Variants in ALDH7A1 observed in about 807,000 individuals in gnomAD.
The protein encoded by ALDH7A1 is aldehyde dehydrogenase 7 family member A1, also known as alpha-aminoadipic semialdehyde dehydrogenase.
Under a neutral mutation model 79.9 loss-of-function variants are expected in ALDH7A1, and 63 were observed. The observed-to-expected ratio is 0.79, with a 90% CI of 0.64 to 0.97. The LOEUF is 0.97. Ranked by LOEUF, ALDH7A1 falls within the 50% of genes least tolerant of loss-of-function variation. The pLI is 0.00. For synonymous variants in ALDH7A1, 240 were observed against 231.2 expected, an observed-to-expected ratio of 1.04 and a Z score of -0.34; for missense variants, 627 against 665.2, an observed-to-expected ratio of 0.94 and a Z score of 0.63.
intron 3 of ALDH7A1, chr5:126,592,273 T>C (rs1751578644): frequency 8.8e-6 from 2 of 227,586 alleles, no homozygotes; most frequent in African/African-American, 4.7e-5. Context: ...ATTGCTGAGA[T>C]ACTCCCAGAC....
In ALDH7A1 at chr5:126,568,304, T is replaced by G. The variant is rs796052260; in HGVS notation, c.826A>C (p.Thr276Pro). 4 of 1,614,112 alleles carry G rather than the reference T, an allele frequency of 2.5e-6. No homozygotes were observed. The highest frequency in any genetic ancestry group is 3.4e-6 in the Non-Finnish European group (4 of 1,179,996). The change falls in exon 9 of 18, where the codon ACT becomes CCT. Residue 276 changes from threonine (T) to proline (P), a missense_variant. Coordinates refer to ENST00000409134, the MANE Select transcript of ALDH7A1 (RefSeq NM_001182.5). ...RVNLLSFTGS[T>P]QVGKQVGLMV... ...AGGCCCACCTGTTTTCCCACCTGAG[T>G]GCTCCCAGTGAAGGACAGCAGGTTC...
At position 126,550,255 on chromosome 5, in the gene ALDH7A1, T is replaced by G. The variant is rs756859037; in HGVS notation, c.1356A>C (p.Lys452Asn). ...EEVFAWNNEV[K>N]QGLSSSIFTK... ...TAAAGATGCTACTTGAAAGTCCCTG[T>G]TTTACTTCATTATTCCATGCAAAGA... is the stretch of plus-strand genomic sequence containing the variant. Residue 452 changes from lysine to asparagine, a missense_variant, in exon 15 of 18, where the codon AAA becomes AAC. By Grantham distance (94) the Lys-to-Asn change is moderately conservative. Transcript: ENST00000409134. The G allele has an allele frequency of 2.0e-5, 33 of 1,613,564 alleles. No individual in the cohort carries two copies. Among genetic ancestry groups the G allele is most frequent in the Middle Eastern group, 1.7e-4 (1 of 5,952 alleles).
intron 5 of ALDH7A1, chr5:126,582,282 A>G (rs1751204113): frequency 5.1e-6 from 2 of 394,470 alleles, no homozygotes; most frequent in Admixed American, 4.4e-5. Context: ...ATTTTCTGAT[A>G]TGAATCTATC....
intron 3 of ALDH7A1, chr5:126,592,443 T>G (rs535038278): frequency 1.5e-5 from 9 of 582,960 alleles, no homozygotes; most frequent in East Asian, 8.5e-5. Flanking sequence ...TCATTTAAAT[T>G]TATCCATTCA....
rs1750311635 is a variant in ALDH7A1, at chr5:126,559,313, C to G, written c.935G>C (p.Ser312Thr). Residue 312 changes from serine (S) to threonine (T), a missense_variant, in exon 11 of 18, where the codon AGC becomes ACC. Coordinates refer to ENST00000409134, the MANE Select transcript of ALDH7A1 (RefSeq NM_001182.5). Reference protein sequence around the residue: ...AIIAFEDADLSLVVPSALFAA... With the variant: ...AIIAFEDADLTLVVPSALFAA... ...GAAGAGAGCTGATGGAACAACTAAGCTGAGGTCTGCATCTTCAAAGGCTTA... is the reference window on the plus strand; with the variant it reads ...GAAGAGAGCTGATGGAACAACTAAGGTGAGGTCTGCATCTTCAAAGGCTTA... The G allele has an allele frequency of 6.2e-7, 1 of 1,613,792 alleles. No individual in the cohort carries two copies. The highest frequency in any genetic ancestry group is 1.3e-5 in the African/African-American group (1 of 74,896).
At chr5:126,563,056 C>T (rs756628477) in intron 9 of ALDH7A1, among the ~76,000 whole-genome samples, 4 of 152,150 alleles carry the variant, frequency 2.6e-5, no homozygotes, top group African/African-American at 4.8e-5. Flanking sequence ...TAAAGATAGG[C>T]TGTATGATCA....
intron 11 of ALDH7A1, among the ~76,000 whole-genome samples, chr5:126,558,853 A>C (rs943763657): frequency 2.0e-5 from 3 of 152,352 alleles, no homozygotes; most frequent in African/African-American, 7.2e-5. Context: ...TTTACTACTT[A>C]AAATGTTTTT....
intron 16 of ALDH7A1, 126 bp downstream of exon 16, chr5:126,549,803 T>C (rs771637411): frequency 1.0e-5 from 9 of 903,406 alleles, no homozygotes; most frequent in Admixed American, 3.7e-5. Context: ...TCAGATATGT[T>C]AGATCACATA....
chr5:126,558,166 C>CAAAAAAAAAAAAAAAAAAAAAAAAAA (rs35559498), intron 11 of ALDH7A1, among the ~76,000 whole-genome samples: 1 of 75,420 alleles, frequency 1.3e-5, no homozygotes, highest in Non-Finnish European at 2.3e-5. Context: ...GACTCCAACT[C>CAAAAAAAAAAAAAAAAAAAAAAAAAA]AAAAAAAAAA....
intron 9 of ALDH7A1, among the ~76,000 whole-genome samples, chr5:126,565,297 G>A (rs1269834340): frequency 6.7e-6 from 1 of 150,052 alleles, no homozygotes; most frequent in Non-Finnish European, 1.5e-5. Flanking sequence ...GGAGGCTGAG[G>A]CAGAAGAATC....
intron 8 of ALDH7A1, chr5:126,568,694 C>T (rs1750676896): frequency 5.9e-6 from 2 of 338,448 alleles, no homozygotes; most frequent in Non-Finnish European, 1.2e-5. Flanking sequence ...AAACTTTTAA[C>T]TGCTGTGTAA....
chr5:126,554,396 GGA>G lies in ALDH7A1; in HGVS notation c.1094-5_1094-4del, dbSNP rs965974461. 16 of 1,613,340 alleles carry G rather than the reference GGA, an allele frequency of 9.9e-6. No homozygotes were observed. The highest frequency in any genetic ancestry group is 1.4e-5 in the Non-Finnish European group (16 of 1,179,446). ...GAGTGGCCCATAGAGAACATTAGCT[GGA>G]GAGAGAAAAGGAAGGCTGGCTCATC... On this transcript the variant is annotated splice_region_variant and splice_polypyrimidine_tract_variant and intron_variant, in intron 12 of 17. Transcript: ENST00000409134.
intron 9 of ALDH7A1, among the ~76,000 whole-genome samples, chr5:126,563,524 C>G (rs1251311029): frequency 2.0e-5 from 3 of 152,178 alleles, no homozygotes; most frequent in Non-Finnish European, 2.9e-5. Context: ...GAGTCTTGCT[C>G]TGTTGCCCAG....
At chr5:126,550,419 A>C in intron 14 of ALDH7A1, 126 bp from the exon 15 acceptor site, 2 of 753,618 alleles carry the variant, frequency 2.7e-6, no homozygotes, top group Non-Finnish European at 2.2e-6. Context: ...CAAAGAGTCA[A>C]GTTTACTCAC....
chr5:126,582,789 A>ATT, intron 5 of ALDH7A1, 62 bp downstream of exon 5: 1 of 1,590,644 alleles, frequency 6.3e-7, no homozygotes, highest in Non-Finnish European at 8.6e-7. Flanking sequence ...AGAGTATTTT[A>ATT]TTTTTTTTGG....
intron 16 of ALDH7A1, 55 bp downstream of exon 16, chr5:126,549,874 T>C (rs974802519): frequency 6.6e-7 from 1 of 1,520,946 alleles, no homozygotes; most frequent in African/African-American, 1.4e-5. Context: ...TAAAAGCTAC[T>C]ACTGGTTTTT....
intron 9 of ALDH7A1, chr5:126,564,669 C>T: frequency 1.5e-6 from 1 of 679,936 alleles, no homozygotes. Context: ...AAATGCTACA[C>T]CAACTCTAGT....
chr5:126,560,459 A>G (rs556482564), intron 10 of ALDH7A1, among the ~76,000 whole-genome samples: 1 of 152,286 alleles, frequency 6.6e-6, no homozygotes, highest in East Asian at 1.9e-4. Context: ...TGACAGAGTA[A>G]GACTCCCGTC....
intron 3 of ALDH7A1, among the ~76,000 whole-genome samples, chr5:126,590,257 G>A (rs1320523328): frequency 2.6e-5 from 4 of 152,244 alleles, no homozygotes; most frequent in East Asian, 3.9e-4. Flanking sequence ...GGGAAGTGAG[G>A]AGCCCCTCTG....
Sources: allele counts gnomAD v4.1 joint callset (sites outside exome capture counted in the v4.1 genomes callset), GRCh38; gene constraint gnomAD v4.1.1; transcripts MANE v1.5; gene names NCBI Gene and HGNC (gene_info 2026-07-23, HGNC 2026-07-21).